The following KLHL1 variants were observed in gnomAD, a reference collection of about 807,000 sequenced individuals.
KLHL1 encodes the protein kelch-like protein 1.
KLHL1 carries 47 observed loss-of-function variants against 77.7 expected under a neutral mutation model. That is an observed-to-expected ratio of 0.60 (90% CI 0.48 to 0.77). KLHL1 has a LOEUF of 0.77. KLHL1 is among the 30% of genes least tolerant of loss of function. KLHL1 has a pLI of 0.00. For missense variants in KLHL1, 925 were observed against 910.8 expected, an observed-to-expected ratio of 1.02 and a Z score of -0.20; for synonymous variants, 360 against 325.2, an observed-to-expected ratio of 1.11 and a Z score of -1.15.
At chr13:69,776,327 A>G in intron 7 of KLHL1, among the ~76,000 whole-genome samples, 1 of 152,312 alleles carries the variant, frequency 6.6e-6, no homozygotes, top group African/African-American at 2.4e-5. Context: ...GAAAATGCAA[A>G]AAGCAAAGCA....
intron 1 of KLHL1, among the ~76,000 whole-genome samples, chr13:70,028,316 G>A (rs533485601): frequency 1.1e-4 from 16 of 152,236 alleles, no homozygotes; most frequent in African/African-American, 3.9e-4. Flanking sequence ...CCCATGGACA[G>A]CCAAAAATAT....
intron 3 of KLHL1, among the ~76,000 whole-genome samples, chr13:69,960,294 A>T (rs1593989292): frequency 4.7e-5 from 1 of 21,432 alleles, no homozygotes; most frequent in Non-Finnish European, 1.1e-4. Flanking sequence ...GAAATGCTGT[A>T]AAAAATAAAA....
At chr13:70,004,935 A>G (rs1209440376) in intron 1 of KLHL1, among the ~76,000 whole-genome samples, 2 of 151,550 alleles carry the variant, frequency 1.3e-5, no homozygotes, top group African/African-American at 2.4e-5. Flanking sequence ...GTTTATATCT[A>G]TTACCTATCT....
chr13:69,707,195 C>G (rs1293738210), intron 10 of KLHL1, among the ~76,000 whole-genome samples: 2 of 151,980 alleles, frequency 1.3e-5, no homozygotes, highest in Admixed American at 1.3e-4. Flanking sequence ...GAAAAATTCT[C>G]TCTGCAACAG....
Position 69,861,059 on chromosome 13 carries a change from A to G in KLHL1, c.1227+21224T>C, listed in dbSNP as rs193036941. On this transcript the variant is annotated intron_variant, in intron 5 of 10. Transcript: ENST00000377844. The stretch of plus-strand genomic sequence containing the variant: ...AACAGTGAGATTCTAATCATCAGTA[A>G]AATAAAGTATGTTTTTAATAGCATC... Among the ~76,000 whole-genome samples, 297 of 152,184 alleles carry G rather than the reference A, an allele frequency of 2.0e-3. 2 individuals are homozygous for G. The highest frequency in any genetic ancestry group is 6.7e-3 in the African/African-American group (280 of 41,566).
In KLHL1 at chr13:69,719,565, C is replaced by G; in HGVS notation, c.1819G>C (p.Gly607Arg). 3.1e-6 allele frequency: 5 copies of G among 1,611,862 alleles called. No homozygotes were observed. The highest frequency in any genetic ancestry group is 4.2e-6 in the Non-Finnish European group (5 of 1,179,046). The change falls in exon 9 of 11, where the codon GGT (glycine) becomes CGT (arginine). Residue 607 changes from glycine (G) to arginine (R), a missense_variant. Coordinates refer to ENST00000377844, the MANE Select transcript of KLHL1 (RefSeq NM_020866.3). ...CTCAAACAGGAACTTCCATCACGAC[C>G]TCCAACTGAATACAACCTAAAAACA... is the stretch of plus-strand genomic sequence containing the variant. ...ALNGKLYSVGGRDGSSCLSSM... is the reference protein window; with the variant it reads ...ALNGKLYSVGRRDGSSCLSSM...
intron 1 of KLHL1, among the ~76,000 whole-genome samples, chr13:69,986,434 C>A (rs976811931): frequency 1.3e-5 from 2 of 151,960 alleles, no homozygotes; most frequent in Non-Finnish European, 2.9e-5. Context: ...AAATATCACA[C>A]TGTACTCCAG....
intron 1 of KLHL1, among the ~76,000 whole-genome samples, chr13:70,035,751 A>T (rs1274925782): frequency 2.0e-5 from 3 of 151,974 alleles, no homozygotes; most frequent in African/African-American, 7.2e-5. Flanking sequence ...TTTTATGTTA[A>T]CTTTTCATTT....
intron 7 of KLHL1, among the ~76,000 whole-genome samples, chr13:69,777,484 A>G (rs1186204877): frequency 2.6e-5 from 4 of 152,182 alleles, no homozygotes; most frequent in Admixed American, 2.6e-4. Flanking sequence ...TGTACTGCAA[A>G]AGGATATTTT....
chr13:69,796,655 A>G, intron 7 of KLHL1, 83 bp downstream of exon 7: 1 of 1,008,082 alleles, frequency 9.9e-7, no homozygotes, highest in South Asian at 1.6e-5. Context: ...TTACTAAGAC[A>G]GACATCAATA....
chr13:69,786,903 C>A (rs1265089477), intron 7 of KLHL1, among the ~76,000 whole-genome samples: 2 of 152,134 alleles, frequency 1.3e-5, no homozygotes, highest in Non-Finnish European at 2.9e-5. Context: ...CTCCCATTCA[C>A]AATTGCTTCA....
At chr13:70,089,851 C>G (rs1437396303) in intron 1 of KLHL1, among the ~76,000 whole-genome samples, 2 of 152,070 alleles carry the variant, frequency 1.3e-5, no homozygotes. Flanking sequence ...ATAGCTAAGA[C>G]AGCACTCTAG....
At chr13:69,989,817 C>T (rs1181012157) in intron 1 of KLHL1, among the ~76,000 whole-genome samples, 1 of 151,876 alleles carries the variant, frequency 6.6e-6, no homozygotes, top group Non-Finnish European at 1.5e-5. Context: ...ATTTTGTATT[C>T]TGAAGCTTTG....
intron 4 of KLHL1, among the ~76,000 whole-genome samples, chr13:69,921,420 A>C (rs1159275908): frequency 6.6e-6 from 1 of 152,196 alleles, no homozygotes; most frequent in Non-Finnish European, 1.5e-5. Flanking sequence ...AAATGTTGTC[A>C]GATATGGAAG....
intron 4 of KLHL1, among the ~76,000 whole-genome samples, chr13:69,932,458 T>C (rs915067189): frequency 6.6e-6 from 1 of 151,916 alleles, no homozygotes; most frequent in African/African-American, 2.4e-5. Context: ...TAAGAATGTT[T>C]CTTATCCAGA....
intron 5 of KLHL1, among the ~76,000 whole-genome samples, chr13:69,848,435 C>A (rs1427730395): frequency 2.0e-5 from 3 of 151,480 alleles, no homozygotes; most frequent in Admixed American, 6.6e-5. Context: ...ATTTAAAGTC[C>A]CTTTTAGCTT....
At chr13:69,801,249 T>C (rs1418573372) in intron 6 of KLHL1, among the ~76,000 whole-genome samples, 2 of 152,150 alleles carry the variant, frequency 1.3e-5, no homozygotes, top group African/African-American at 4.8e-5. Flanking sequence ...GTTGTTGCCA[T>C]TGGAAATTCT....
At chr13:70,006,799 G>A (rs1885418350) in intron 1 of KLHL1, among the ~76,000 whole-genome samples, 1 of 151,870 alleles carries the variant, frequency 6.6e-6, no homozygotes, top group African/African-American at 2.4e-5. Context: ...AAGAATAATA[G>A]CTTTCAAGCT....
At chr13:69,831,337 G>A (rs115213269) in intron 6 of KLHL1, among the ~76,000 whole-genome samples, 2,336 of 149,848 alleles carry the variant, frequency 0.016, 237 homozygotes, top group African/African-American at 0.054. Context: ...GCACAAGCTA[G>A]AAAAGCTAGC....
Sources: allele counts gnomAD v4.1 joint callset (sites outside exome capture counted in the v4.1 genomes callset), GRCh38; gene constraint gnomAD v4.1.1; transcripts MANE v1.5; gene names NCBI Gene and HGNC (gene_info 2026-07-23, HGNC 2026-07-21).